Variants in ZBTB5 observed in about 807,000 individuals in gnomAD.
The protein encoded by ZBTB5 is zinc finger and BTB domain-containing protein 5.
ZBTB5 carries 15 observed loss-of-function variants against 37.9 expected under a neutral mutation model. The observed-to-expected ratio is 0.40, with a 90% CI of 0.26 to 0.61. The LOEUF is 0.61. Among genes scored for constraint, ZBTB5 ranks in the 20% least tolerant of loss-of-function variants. The probability of loss-of-function intolerance (pLI) is 0.47; values close to 1 mark genes in which losing one functional copy is unlikely to be tolerated. For synonymous variants in ZBTB5, 315 were observed against 312.4 expected (o/e 1.01, Z -0.09); for missense variants, 708 against 856.8 (o/e 0.83, Z 2.17).
chr9:37,456,725 T>C (rs988539180), intron 1 of ZBTB5, among the ~76,000 whole-genome samples: 1 of 152,230 alleles, frequency 6.6e-6, no homozygotes, highest in Non-Finnish European at 1.5e-5. Flanking sequence ...TAAAACAGCT[T>C]ATTGAGGGCA....
In ZBTB5 at chr9:37,441,097, C is replaced by A; in HGVS notation, c.1455G>T (p.Val485=). The A allele has an allele frequency of 6.2e-7, 1 of 1,614,118 alleles. No homozygotes were observed. Among genetic ancestry groups the A allele is most frequent in the Non-Finnish European group, 8.5e-7 (1 of 1,180,026 alleles). ...AAGTCTGCACACACGGCAGGCCCAT[C>A]ACCTCCTGCATAGGCCTGACGAAGT... ...DSHFVRPMQE[V]MGLPCVQTSG... Residue 485 remains valine (V), a synonymous_variant, in exon 2 of 2, where the codon GTG becomes GTT. Transcript: ENST00000307750.
At chr9:37,445,434 C>A (rs551163377) in intron 1 of ZBTB5, among the ~76,000 whole-genome samples, 2 of 152,142 alleles carry the variant, frequency 1.3e-5, no homozygotes, top group African/African-American at 4.8e-5. Flanking sequence ...CTTGAGCCCC[C>A]AGGAGTTCAA....
intron 1 of ZBTB5, among the ~76,000 whole-genome samples, chr9:37,459,776 T>C (rs1023811154): frequency 4.0e-5 from 6 of 149,838 alleles, no homozygotes; most frequent in African/African-American, 1.5e-4. Context: ...AGTGGTGCGA[T>C]CTCGGCTCAC....
chr9:37,450,614 C>A (rs552676600), intron 1 of ZBTB5, among the ~76,000 whole-genome samples: 22 of 152,226 alleles, frequency 1.4e-4, no homozygotes, highest in Middle Eastern at 3.4e-3. Context: ...CACGGTGGCT[C>A]ACACTTATAA....
In ZBTB5 at chr9:37,440,719, G is replaced by A. The variant is rs1371200430; in HGVS notation, c.1833C>T (p.Arg611=). Residue 611 remains arginine (R), a synonymous_variant, in exon 2 of 2, where the codon CGC becomes CGT. Coordinates refer to ENST00000307750, the MANE Select transcript of ZBTB5 (RefSeq NM_014872.3). ...EHNVLVVEGA[R]KYACKICCKT... ...TGCAGCAGATTTTGCAGGCATACTT[G>A]CGAGCTCCCTCTACAACCAAAACAT... 1 of 1,614,262 alleles carries A rather than the reference G, an allele frequency of 6.2e-7. No individual in the cohort carries two copies. The highest frequency in any genetic ancestry group is 1.1e-5 in the South Asian group (1 of 91,090).
chr9:37,464,506 T>TAA (rs201650927), intron 1 of ZBTB5, among the ~76,000 whole-genome samples: 2 of 151,274 alleles, frequency 1.3e-5, no homozygotes, highest in African/African-American at 4.9e-5. Context: ...CTGACTGACT[T>TAA]AAAAAAAAAT....
rs750513252 is a variant in ZBTB5 at position 37,440,872 on chromosome 9, A to G, written c.1680T>C (p.Ser560=). ...SSQIPENSTS[S]QLMMNGATSS... is the part of the protein sequence containing the mutation. Reference sequence around the variant, plus strand: ...ACGTAGCTCCATTCATCATTAGCTGAGAACTGGTAGAGTTTTCTGGGATCT... The same window carrying G: ...ACGTAGCTCCATTCATCATTAGCTGGGAACTGGTAGAGTTTTCTGGGATCT... The change falls in exon 2 of 2, where the codon TCT becomes TCC. Residue 560 remains serine (S), a synonymous_variant. Transcript: ENST00000307750. 3 of 1,614,094 alleles carry G rather than the reference A, an allele frequency of 1.9e-6. No individual in the cohort carries two copies. In the Admixed American group the frequency reaches 5.0e-5, roughly 27 times the overall value.
intron 1 of ZBTB5, among the ~76,000 whole-genome samples, chr9:37,459,393 G>C (rs1014521705): frequency 6.6e-6 from 1 of 151,736 alleles, no homozygotes; most frequent in Admixed American, 6.6e-5. Flanking sequence ...CTGGGAGGCA[G>C]AGGTTGCAGT....
chr9:37,450,368 C>A lies in ZBTB5; in HGVS notation c.-4-7813G>T, dbSNP rs148738840. ...TATAAAAAGTTCTGACCTCACAGAC[C>A]CCTTGAAAAAGTCTGTGGGGCCCAT... is the stretch of plus-strand genomic sequence containing the variant. On this transcript the variant is annotated intron_variant, in intron 1 of 1. Coordinates refer to ENST00000307750, the MANE Select transcript of ZBTB5 (RefSeq NM_014872.3). Among the ~76,000 whole-genome samples, 37 of 152,068 alleles carry A rather than the reference C, an allele frequency of 2.4e-4. No individual in the cohort carries two copies. The East Asian group carries it at 6.6e-3, about 27-fold the overall frequency.
chr9:37,451,740 T>C (rs1338301398), intron 1 of ZBTB5, among the ~76,000 whole-genome samples: 1 of 151,952 alleles, frequency 6.6e-6, no homozygotes, highest in African/African-American at 2.4e-5. Context: ...TAAGGATAAT[T>C]TGGTGGGTAG....
intron 1 of ZBTB5, among the ~76,000 whole-genome samples, chr9:37,452,844 C>A (rs759776709): frequency 6.6e-6 from 1 of 152,162 alleles, no homozygotes; most frequent in Non-Finnish European, 1.5e-5. Flanking sequence ...GGCCCATGCA[C>A]AAAGTGATGC....
chr9:37,442,301 A>G lies in ZBTB5; in HGVS notation c.251T>C (p.Met84Thr). 3.1e-6 allele frequency: 5 copies of G among 1,614,212 alleles called. No individual in the cohort carries two copies. Among genetic ancestry groups the G allele is most frequent in the Middle Eastern group, 1.6e-4 (1 of 6,062 alleles). The change falls in exon 2 of 2, where the codon ATG (methionine) becomes ACG (threonine). Residue 84 changes from methionine (M) to threonine (T), a missense_variant. By Grantham distance (81) the Met-to-Thr change is moderately conservative. Coordinates refer to ENST00000307750, the MANE Select transcript of ZBTB5 (RefSeq NM_014872.3). Reference protein sequence around the residue: ...AEAFAALIDMMYTSTLMLGES... With the variant: ...AEAFAALIDMTYTSTLMLGES... The stretch of plus-strand genomic sequence containing the variant: ...CCCCAGCATGAGGGTGGAGGTATAC[A>G]TCATGTCAATCAGTGCAGCAAAGGC...
At chr9:37,445,465 G>T (rs2182744) in intron 1 of ZBTB5, among the ~76,000 whole-genome samples, 2 of 151,662 alleles carry the variant, frequency 1.3e-5, no homozygotes, top group South Asian at 2.1e-4. Flanking sequence ...GGCAACATGG[G>T]GCAAAACCCC....
At position 37,454,081 on chromosome 9, in the gene ZBTB5, T is replaced by C. The variant is rs16934125; in HGVS notation, c.-5+11134A>G. On this transcript the variant is annotated intron_variant, in intron 1 of 1. Transcript: ENST00000307750. Reference sequence around the variant, plus strand: ...TGGATCTCTGCCACACAGTCAAACATGAAGTTCAAATTACATCTCCCAGGA... The same window carrying C: ...TGGATCTCTGCCACACAGTCAAACACGAAGTTCAAATTACATCTCCCAGGA... Among the ~76,000 whole-genome samples the C allele has an allele frequency of 4.8e-3, 729 of 152,328 alleles. 5 individuals are homozygous for C. The highest frequency in any genetic ancestry group is 0.016 in the African/African-American group (681 of 41,564).
In ZBTB5 at chr9:37,441,061, T is replaced by G. The variant is rs769672273; in HGVS notation, c.1491A>C (p.Gln497His). 1 of 1,614,138 alleles carries G rather than the reference T, an allele frequency of 6.2e-7. No homozygotes were observed. Among genetic ancestry groups the G allele is most frequent in the African/African-American group, 1.3e-5 (1 of 75,030 alleles). Residue 497 changes from glutamine (Q) to histidine (H), a missense_variant, in exon 2 of 2, where the codon CAA becomes CAC. This residue lies in a region of ZBTB5 where 639 missense variants were observed against 690.5 expected (regional missense o/e 0.93). Coordinates refer to ENST00000307750, the MANE Select transcript of ZBTB5 (RefSeq NM_014872.3). ...GLPCVQTSGY[Q>H]GGEQFGMDFS... ...AGTCCATCCCAAACTGTTCTCCTCCTTGGTAGCCTGAAGTCTGCACACACG... is the reference window on the plus strand; with the variant it reads ...AGTCCATCCCAAACTGTTCTCCTCCGTGGTAGCCTGAAGTCTGCACACACG...
chr9:37,440,149 C>T lies in ZBTB5; in HGVS notation c.*369G>A. ...TCACTATACAGGGATATAATACTCCCATCAGAAGGTATAGGAAATTTAAAT... is the reference window on the plus strand; with the variant it reads ...TCACTATACAGGGATATAATACTCCTATCAGAAGGTATAGGAAATTTAAAT... On this transcript the variant is annotated 3_prime_UTR_variant, in exon 2 of 2. Transcript: ENST00000307750. 3.7e-6 allele frequency: 1 copy of T among 267,606 alleles called. No homozygotes were observed. Among genetic ancestry groups the T allele is most frequent in the South Asian group, 4.4e-5 (1 of 22,552 alleles). The allele number at this position is 267,606 out of a possible 1,614,324, so 16.6% of individuals were successfully genotyped here. A position where few individuals can be genotyped will look rare whatever the true frequency, so the allele number is the denominator to read the frequency against.
intron 1 of ZBTB5, among the ~76,000 whole-genome samples, chr9:37,443,328 C>G (rs1379123570): frequency 7.7e-6 from 1 of 129,262 alleles, no homozygotes; most frequent in African/African-American, 2.9e-5. Flanking sequence ...GACTTCATCT[C>G]AAAGGAAAAA....
In ZBTB5 at chr9:37,443,121, G is replaced by A. The variant is rs532837226; in HGVS notation, c.-4-566C>T. ...TCCCAGCACTTTGGGAGGCTGAGAC[G>A]GGCAGATCACCTGAGGTCAGGAGTT... is the stretch of plus-strand genomic sequence containing the variant. On this transcript the variant is annotated intron_variant, in intron 1 of 1. Coordinates refer to ENST00000307750, the MANE Select transcript of ZBTB5 (RefSeq NM_014872.3). 1.5e-3 allele frequency among the ~76,000 whole-genome samples: 233 copies of A among 152,172 alleles called. 5 individuals carry two copies. In the South Asian group the frequency reaches 0.02, roughly 13 times the overall value.
chr9:37,449,677 C>T (rs897806471), intron 1 of ZBTB5, among the ~76,000 whole-genome samples: 7 of 128,000 alleles, frequency 5.5e-5, no homozygotes, highest in South Asian at 2.3e-4. Context: ...CTAGTCTGCG[C>T]GATAGTATGA....
Sources: gnomAD v4.1 joint callset for allele counts (sites outside exome capture counted in the v4.1 genomes callset) on GRCh38, gnomAD v4.1.1 for gene constraint, gnomAD v4.1.1 regional missense constraint, MANE v1.5 for transcripts, NCBI Gene and HGNC (gene_info 2026-07-23, HGNC 2026-07-21) for gene names.